The following MAP2 variants were observed in gnomAD, a reference collection of about 807,000 sequenced individuals.
MAP2 encodes microtubule associated protein 2, also known as microtubule-associated protein 2.
In MAP2, 14 loss-of-function variants were observed where a neutral mutation model predicts 137.6. The observed-to-expected ratio is 0.10, with a 90% CI of 0.07 to 0.16. The LOEUF (loss-of-function observed/expected upper bound fraction) is 0.16, where lower values mean the gene tolerates loss of function less well. MAP2 is among the 10% of genes least tolerant of loss of function. MAP2 has a pLI of 1.00. For synonymous variants in MAP2, 786 were observed against 782.3 expected (o/e 1.00, Z -0.08); for missense variants, 2,088 against 2,191.5 (o/e 0.95, Z 0.94).
intron 3 of MAP2, among the ~76,000 whole-genome samples, chr2:209,595,080 T>C (rs1024969098): frequency 5.9e-5 from 9 of 152,154 alleles, no homozygotes; most frequent in African/African-American, 1.4e-4. Context: ...GGTAGCAGTA[T>C]TAAAATAAGC....
intron 1 of MAP2, among the ~76,000 whole-genome samples, chr2:209,468,821 A>G (rs151288586): frequency 4.9e-4 from 74 of 152,268 alleles, no homozygotes; most frequent in African/African-American, 1.7e-3. Context: ...CTGGGTATAT[A>G]TTACCCTTAC....
rs1190891329 is a variant in MAP2 at position 209,527,559 on chromosome 2, A to G, written c.-172+19918A>G. On this transcript the variant is annotated intron_variant, in intron 2 of 15. Transcript: ENST00000682079. ...CCCACTAGCAGCTTTCTTCACAACA[A>G]TGAGGTTACATACTTGATTAAGGAA... Among the ~76,000 whole-genome samples the G allele has an allele frequency of 2.6e-5, 4 of 152,074 alleles. No homozygotes were observed. In the South Asian group the frequency reaches 6.2e-4, roughly 24 times the overall value.
intron 1 of MAP2, among the ~76,000 whole-genome samples, chr2:209,429,779 G>A (rs1693742989): frequency 6.6e-6 from 1 of 152,040 alleles, no homozygotes; most frequent in Non-Finnish European, 1.5e-5. Flanking sequence ...TGGATTTTAG[G>A]TGGCTACTAC....
chr2:209,532,402 C>T (rs2065259381), intron 2 of MAP2, among the ~76,000 whole-genome samples: 1 of 152,124 alleles, frequency 6.6e-6, no homozygotes. Flanking sequence ...TAAGCCCTTA[C>T]CATGTGTTAT....
At chr2:209,533,139 T>A (rs2065390538) in intron 2 of MAP2, among the ~76,000 whole-genome samples, 1 of 152,030 alleles carries the variant, frequency 6.6e-6, no homozygotes, top group African/African-American at 2.4e-5. Context: ...TTTTATTTTA[T>A]AATTTATTTT....
At chr2:209,638,093 G>T (rs116620383) in intron 4 of MAP2, among the ~76,000 whole-genome samples, 1,745 of 152,036 alleles carry the variant, frequency 0.011, 34 homozygotes, top group African/African-American at 0.041. Flanking sequence ...ATTTTTTAAC[G>T]TCTCATAAAT....
chr2:209,615,731 AG>A (rs1264506539), intron 3 of MAP2, among the ~76,000 whole-genome samples: 13 of 152,198 alleles, frequency 8.5e-5, no homozygotes. Context: ...CTGAAAGCCA[AG>A]CTACATGTTA....
At chr2:209,680,334 T>C (rs1339594674) in intron 6 of MAP2, among the ~76,000 whole-genome samples, 1 of 152,130 alleles carries the variant, frequency 6.6e-6, no homozygotes, top group Non-Finnish European at 1.5e-5. Context: ...AGTTGAACAA[T>C]AGAGAGTTCT....
At chr2:209,726,341 C>T (rs147838803) in intron 14 of MAP2, among the ~76,000 whole-genome samples, 5 of 152,258 alleles carry the variant, frequency 3.3e-5, no homozygotes, top group African/African-American at 9.6e-5. Flanking sequence ...ATATCTCATA[C>T]GACTAGTGCC....
At position 209,573,468 on chromosome 2, in the gene MAP2, A is replaced by G. The variant is rs564777555; in HGVS notation, c.-171-6568A>G. Among the ~76,000 whole-genome samples, 10 of 151,352 alleles carry G rather than the reference A, an allele frequency of 6.6e-5. No homozygotes were observed. In the South Asian group the frequency reaches 2.1e-3, roughly 32 times the overall value. On this transcript the variant is annotated intron_variant, in intron 2 of 15. Coordinates refer to ENST00000682079, the MANE Select transcript of MAP2 (RefSeq NM_001375505.1). The stretch of plus-strand genomic sequence containing the variant: ...GCCACCACACCCAGCTAATTTTTGT[A>G]TTTTTAGTAGAGACAGGGTTTCCCC...
At chr2:209,435,989 A>T (rs1482749971) in intron 1 of MAP2, among the ~76,000 whole-genome samples, 2 of 88,942 alleles carry the variant, frequency 2.2e-5, no homozygotes, top group Non-Finnish European at 4.0e-5. Flanking sequence ...TACAGTATAT[A>T]TTATATACTA....
At chr2:209,648,916 T>C (rs2094594484) in intron 4 of MAP2, among the ~76,000 whole-genome samples, 1 of 152,222 alleles carries the variant, frequency 6.6e-6, no homozygotes, top group Non-Finnish European at 1.5e-5. Context: ...TGTGATCTTT[T>C]GCAATTTGGA....
intron 7 of MAP2, among the ~76,000 whole-genome samples, chr2:209,688,302 C>T (rs930732361): frequency 3.3e-5 from 5 of 152,102 alleles, no homozygotes; most frequent in African/African-American, 1.2e-4. Flanking sequence ...AGAACATATT[C>T]TTTACCCAAA....
chr2:209,442,519 T>C (rs1698052568), intron 1 of MAP2, among the ~76,000 whole-genome samples: 1 of 151,668 alleles, frequency 6.6e-6, no homozygotes, highest in Non-Finnish European at 1.5e-5. Flanking sequence ...TTTGGCATTA[T>C]CTCCTCATCC....
chr2:209,685,459 C>T (rs964026026), intron 7 of MAP2, among the ~76,000 whole-genome samples: 3 of 152,150 alleles, frequency 2.0e-5, no homozygotes, highest in African/African-American at 7.2e-5. Flanking sequence ...TTAGCCCTCC[C>T]TGGTCCCCAT....
intron 5 of MAP2, among the ~76,000 whole-genome samples, chr2:209,677,575 A>T (rs534094947): frequency 3.3e-5 from 5 of 152,072 alleles, no homozygotes; most frequent in Non-Finnish European, 5.9e-5. Context: ...TCCTTCATTC[A>T]TACCACTAAA....
intron 3 of MAP2, among the ~76,000 whole-genome samples, chr2:209,607,022 T>G (rs1288133831): frequency 6.6e-6 from 1 of 152,130 alleles, no homozygotes; most frequent in African/African-American, 2.4e-5. Flanking sequence ...TGAGAAAAAC[T>G]AATAGCATCT....
At chr2:209,643,521 A>C (rs2094187372) in intron 4 of MAP2, among the ~76,000 whole-genome samples, 1 of 152,112 alleles carries the variant, frequency 6.6e-6, no homozygotes, top group Admixed American at 6.6e-5. Context: ...CCCCACATCC[A>C]CCTCCAAAAT....
intron 1 of MAP2, among the ~76,000 whole-genome samples, chr2:209,495,603 T>A (rs1397850343): frequency 6.6e-6 from 1 of 152,210 alleles, no homozygotes; most frequent in Non-Finnish European, 1.5e-5. Flanking sequence ...GACCTGACTG[T>A]CAGAAGGAAA....
Sources: allele counts gnomAD v4.1 joint callset (sites outside exome capture counted in the v4.1 genomes callset), GRCh38; gene constraint gnomAD v4.1.1; transcripts MANE v1.5; gene names NCBI Gene and HGNC (gene_info 2026-07-23, HGNC 2026-07-21).